RARB: variants seen among roughly 807,000 people sequenced by gnomAD.
The protein encoded by RARB is retinoic acid receptor beta.
Under a neutral mutation model 51.9 loss-of-function variants are expected in RARB, and 17 were observed. That is an observed-to-expected ratio of 0.33 (90% CI 0.22 to 0.49). The LOEUF (loss-of-function observed/expected upper bound fraction) is 0.49, where lower values mean the gene tolerates loss of function less well. RARB is among the 20% of genes least tolerant of loss of function. The probability of loss-of-function intolerance (pLI) is 0.99; values close to 1 mark genes in which losing one functional copy is unlikely to be tolerated. For synonymous variants in RARB, 215 were observed against 195.4 expected, an observed-to-expected ratio of 1.10 and a Z score of -0.84; for missense variants, 369 against 550.8, an observed-to-expected ratio of 0.67 and a Z score of 3.30.
intron 1 of RARB, among the ~76,000 whole-genome samples, chr3:24,853,165 A>AG (rs1702584161): frequency 6.6e-6 from 1 of 151,666 alleles, no homozygotes; most frequent in African/African-American, 2.4e-5. Context: ...AAAAAAAAAA[A>AG]AATTAGCCAG....
At chr3:25,094,471 C>T (rs770188855) in intron 3 of RARB, among the ~76,000 whole-genome samples, 5 of 152,086 alleles carry the variant, frequency 3.3e-5, no homozygotes, top group African/African-American at 4.8e-5. Flanking sequence ...AATCTCAGCA[C>T]TTTGGGAGGC....
chr3:25,537,761 A>G (rs1298128873), intron 3 of RARB, among the ~76,000 whole-genome samples: 1 of 152,246 alleles, frequency 6.6e-6, no homozygotes, highest in African/African-American at 2.4e-5. Context: ...AGCTGAGGAC[A>G]GAAGTTTTAA....
intron 2 of RARB, among the ~76,000 whole-genome samples, chr3:24,949,280 A>T (rs1488342229): frequency 6.6e-6 from 1 of 152,218 alleles, no homozygotes; most frequent in Non-Finnish European, 1.5e-5. Flanking sequence ...ACAGAAACAC[A>T]TATCTTTCCT....
intron 2 of RARB, among the ~76,000 whole-genome samples, chr3:24,983,201 T>G (rs1382794656): frequency 6.6e-6 from 1 of 152,148 alleles, no homozygotes; most frequent in East Asian, 1.9e-4. Context: ...GGTACACACA[T>G]CTGCCAACCT....
intron 2 of RARB, among the ~76,000 whole-genome samples, chr3:25,033,274 C>T (rs1339929135): frequency 1.3e-5 from 2 of 152,100 alleles, no homozygotes; most frequent in African/African-American, 2.4e-5. Flanking sequence ...GGAGCAAAGA[C>T]AATTAAAGTA....
Position 25,597,302 on chromosome 3 carries a change from G to A in RARB, c.*686G>A, listed in dbSNP as rs937458028. ...CCCTGCACTAGCAGAAGAGAATTCT[G>A]TATCAGTGTAACTGCCAGTTCAGTT... On this transcript the variant is annotated 3_prime_UTR_variant, in exon 8 of 8. Transcript: ENST00000330688. 6.6e-6 allele frequency: 1 copy of A among 152,528 alleles called. No individual in the cohort carries two copies. Among genetic ancestry groups the A allele is most frequent in the African/African-American group, 2.4e-5 (1 of 41,432 alleles). The allele number at this position is 152,528 out of a possible 1,614,324, so 9.4% of individuals were successfully genotyped here. A position where few individuals can be genotyped will look rare whatever the true frequency, so the allele number is the denominator to read the frequency against.
chr3:25,298,294 T>C (rs1703964824), intron 5 of RARB, among the ~76,000 whole-genome samples: 1 of 151,918 alleles, frequency 6.6e-6, no homozygotes, highest in Non-Finnish European at 1.5e-5. Flanking sequence ...GCAATTCTCC[T>C]GCCTCAGCCT....
chr3:25,503,426 T>C (rs1036261222), intron 3 of RARB, among the ~76,000 whole-genome samples: 4 of 152,154 alleles, frequency 2.6e-5, no homozygotes, highest in Non-Finnish European at 4.4e-5. Context: ...ACTTTTGCAT[T>C]ATTTTGTGTG....
chr3:25,231,814 GT>G (rs1178067083), intron 5 of RARB, among the ~76,000 whole-genome samples: 2 of 152,046 alleles, frequency 1.3e-5, no homozygotes, highest in Non-Finnish European at 2.9e-5. Flanking sequence ...GCTTATATGG[GT>G]TTTTCAGAGA....
intron 3 of RARB, among the ~76,000 whole-genome samples, chr3:25,081,928 C>A (rs532433370): frequency 6.6e-6 from 1 of 151,442 alleles, no homozygotes; most frequent in Non-Finnish European, 1.5e-5. Flanking sequence ...CCACTGTGCC[C>A]GGCCTGCTTC....
Position 25,046,117 on chromosome 3 carries a change from T to C in RARB, c.-379-14008T>C, listed in dbSNP as rs1208904113. On this transcript the variant is annotated intron_variant, in intron 2 of 11. Coordinates refer to the RARB transcript ENST00000383772. ...GAGGCTTTTGCAAACCCACCATTTC[T>C]GGGGTTGAATGGGAAATTAGGGAAA... 2.0e-5 allele frequency among the ~76,000 whole-genome samples: 3 copies of C among 152,180 alleles called. 1 individual carries two copies. Among genetic ancestry groups the C allele is most frequent in the East Asian group, 3.9e-4 (2 of 5,182 alleles).
chr3:25,499,458 C>T (rs938932177), intron 2 of RARB, among the ~76,000 whole-genome samples: 6 of 152,152 alleles, frequency 3.9e-5, no homozygotes, highest in African/African-American at 1.2e-4. Flanking sequence ...TCTGTGTATT[C>T]GGCAAGCATC....
At chr3:25,576,775 AC>A (rs3841941) in intron 4 of RARB, among the ~76,000 whole-genome samples, 20,220 of 152,144 alleles carry the variant, frequency 0.13, 1,551 homozygotes, top group Non-Finnish European at 0.18. Flanking sequence ...CCTCCTGTCT[AC>A]CCAGAGCTAC....
intron 2 of RARB, among the ~76,000 whole-genome samples, chr3:25,487,066 T>C (rs1456168843): frequency 6.6e-6 from 1 of 152,128 alleles, no homozygotes; most frequent in East Asian, 1.9e-4. Context: ...AGTCACACAC[T>C]TTCTCTCCTT....
At position 24,989,795 on chromosome 3, in the gene RARB, T is replaced by C. The variant is rs1282690033; in HGVS notation, c.-379-70330T>C. Among the ~76,000 whole-genome samples the C allele has an allele frequency of 1.6e-4, 5 of 31,346 alleles. 2 individuals carry two copies. The highest frequency in any genetic ancestry group is 7.4e-4 in the African/African-American group (5 of 6,758). The allele number at this position is 31,346 out of a possible 152,430, so 20.6% of individuals were successfully genotyped here. On this transcript the variant is annotated intron_variant, in intron 2 of 11. Coordinates refer to the RARB transcript ENST00000383772. ...TTTTCTTTTTTTTTTTTTTTTTTTT[T>C]TTTTTTTTTTTTTTTGAGACGGAGT...
intron 5 of RARB, among the ~76,000 whole-genome samples, chr3:25,206,234 T>G (rs1157578331): frequency 6.6e-6 from 1 of 152,220 alleles, no homozygotes. Flanking sequence ...TGGTTGCCCA[T>G]GCAGTTTAAA....
At chr3:25,030,767 C>G (rs1474287740) in intron 2 of RARB, among the ~76,000 whole-genome samples, 2 of 152,188 alleles carry the variant, frequency 1.3e-5, no homozygotes, top group East Asian at 1.9e-4. Flanking sequence ...CGGGTGCTCT[C>G]TTGCATTTAC....
At chr3:25,082,632 T>G (rs1163771474) in intron 3 of RARB, among the ~76,000 whole-genome samples, 3 of 152,098 alleles carry the variant, frequency 2.0e-5, no homozygotes, top group African/African-American at 7.2e-5. Context: ...CCAGAGCACA[T>G]TGTTATTATT....
At chr3:25,517,221 T>G (rs970349437) in intron 3 of RARB, among the ~76,000 whole-genome samples, 4 of 152,220 alleles carry the variant, frequency 2.6e-5, no homozygotes, top group Non-Finnish European at 5.9e-5. Flanking sequence ...AGAAATATAT[T>G]TATCTCTTGT....
Sources: allele counts gnomAD v4.1 joint callset (sites outside exome capture counted in the v4.1 genomes callset), GRCh38; gene constraint gnomAD v4.1.1; transcripts MANE v1.5; gene names NCBI Gene and HGNC (gene_info 2026-07-23, HGNC 2026-07-21).